Variants in EYA1 observed in about 807,000 individuals in gnomAD.
EYA1 encodes protein phosphatase EYA1.
Under a neutral mutation model 82.0 loss-of-function variants are expected in EYA1, and 16 were observed. The ratio of observed to expected loss-of-function variants is 0.20; its 90% confidence interval spans 0.13 to 0.30. The LOEUF (loss-of-function observed/expected upper bound fraction) is 0.30, where lower values mean the gene tolerates loss of function less well. EYA1 is among the 10% of genes least tolerant of loss of function. The pLI, the probability that EYA1 is intolerant of heterozygous loss-of-function variation, is 1.00. For missense variants in EYA1, 633 were observed against 730.7 expected (o/e 0.87, Z 1.54); for synonymous variants, 261 against 264.4 (o/e 0.99, Z 0.12).
At chr8:71,256,295 A>C (rs1814406422) in intron 11 of EYA1, among the ~76,000 whole-genome samples, 1 of 152,228 alleles carries the variant, frequency 6.6e-6, no homozygotes. Flanking sequence ...CATAGGTGGA[A>C]GCAACTCAAA....
At chr8:71,263,634 A>T in intron 11 of EYA1, among the ~76,000 whole-genome samples, 1 of 152,190 alleles carries the variant, frequency 6.6e-6, no homozygotes, top group East Asian at 1.9e-4. Context: ...GAGGAAAATG[A>T]ACCAGTGCAA....
intron 2 of EYA1, among the ~76,000 whole-genome samples, chr8:71,435,758 C>A (rs1256160866): frequency 6.6e-6 from 1 of 152,082 alleles, no homozygotes; most frequent in Non-Finnish European, 1.5e-5. Context: ...CCTCTATCAA[C>A]TCCCAAGAAA....
intron 2 of EYA1, among the ~76,000 whole-genome samples, chr8:71,469,201 TA>T (rs1416960835): frequency 1.3e-5 from 2 of 152,106 alleles, no homozygotes; most frequent in Non-Finnish European, 2.9e-5. Context: ...GCTCAAATCT[TA>T]GGAGGAAAGA....
intron 2 of EYA1, among the ~76,000 whole-genome samples, chr8:71,513,728 T>A (rs113965426): frequency 5.9e-5 from 9 of 152,212 alleles, no homozygotes; most frequent in African/African-American, 1.9e-4. Flanking sequence ...TCTGTACCCC[T>A]TAACCCTCCC....
chr8:71,363,553 G>C (rs1827567197), upstream of EYA1, among the ~76,000 whole-genome samples: 1 of 152,114 alleles, frequency 6.6e-6, no homozygotes, highest in African/African-American at 2.4e-5. Context: ...ATTGCTATTG[G>C]ATCTGTTCAT....
chr8:71,274,229 T>C (rs1483205440), intron 9 of EYA1, among the ~76,000 whole-genome samples: 3 of 152,152 alleles, frequency 2.0e-5, no homozygotes, highest in Non-Finnish European at 4.4e-5. Flanking sequence ...CCCACACCCG[T>C]ACCTTGCAGG....
rs561769625 is a variant in EYA1, at chr8:71,282,538, G to A, written c.827-10641C>T. Among the ~76,000 whole-genome samples the A allele has an allele frequency of 5.9e-5, 9 of 152,244 alleles. No individual in the cohort carries two copies. The South Asian group carries it at 6.2e-4, about 11-fold the overall frequency. On this transcript the variant is annotated intron_variant, in intron 9 of 17. Transcript: ENST00000340726. ...CCATATTTCTCCGCCTTTTGCCAGC[G>A]CCACACACAGTTGATCATGGCTTCC... is the stretch of plus-strand genomic sequence containing the variant.
chr8:71,353,869 G>T (rs958583189), intron 3 of EYA1, among the ~76,000 whole-genome samples: 2 of 152,024 alleles, frequency 1.3e-5, no homozygotes, highest in African/African-American at 4.8e-5. Context: ...TCTAGTGAAA[G>T]GTATGCTCTG....
At chr8:71,412,324 A>G (rs975806180) in intron 2 of EYA1, among the ~76,000 whole-genome samples, 1 of 150,214 alleles carries the variant, frequency 6.7e-6, no homozygotes, top group African/African-American at 2.5e-5. Flanking sequence ...GCACATGTAT[A>G]CATATGTAAC....
rs1819907525 is a variant in EYA1, at chr8:71,299,087, T to A, written c.786A>T (p.Pro262=). 4 of 1,614,130 alleles carry A rather than the reference T, an allele frequency of 2.5e-6. No individual in the cohort carries two copies. Among genetic ancestry groups the A allele is most frequent in the Non-Finnish European group, 3.4e-6 (4 of 1,179,984 alleles). The change falls in exon 9 of 18, where the codon CCA becomes CCT. Residue 262 remains proline (P), a synonymous_variant. Coordinates refer to ENST00000340726, the MANE Select transcript of EYA1 (RefSeq NM_000503.6). The stretch of plus-strand genomic sequence containing the variant: ...TAACTGCTTGGCTGGTGATGCCAGA[T>A]GGCGGTTCTTGAAGCTGGTAAGTGG... The part of the protein sequence containing the change: ...TNATYQLQEP[P]SGITSQAVTD...
chr8:71,249,190 TC>T (rs1220231953), intron 11 of EYA1, among the ~76,000 whole-genome samples: 1 of 152,166 alleles, frequency 6.6e-6, no homozygotes, highest in Non-Finnish European at 1.5e-5. Context: ...TTGACATTTC[TC>T]CTCTATGACA....
chr8:71,206,022 C>T (rs1807721170), intron 17 of EYA1, among the ~76,000 whole-genome samples: 1 of 152,032 alleles, frequency 6.6e-6, no homozygotes, highest in African/African-American at 2.4e-5. Flanking sequence ...AGCTAAAGCA[C>T]ATATCAGAAT....
chr8:71,272,405 C>T (rs1816654659), intron 9 of EYA1, among the ~76,000 whole-genome samples: 1 of 152,084 alleles, frequency 6.6e-6, no homozygotes, highest in Admixed American at 6.5e-5. Flanking sequence ...CCATTTTCTC[C>T]CTCATTTTAT....
intron 2 of EYA1, among the ~76,000 whole-genome samples, chr8:71,530,366 A>G (rs1814166760): frequency 6.6e-6 from 1 of 152,208 alleles, no homozygotes; most frequent in Non-Finnish European, 1.5e-5. Context: ...TCTAGCCTCT[A>G]GAACTGTGCA....
intron 12 of EYA1, among the ~76,000 whole-genome samples, chr8:71,237,899 T>C (rs1812038388): frequency 6.6e-6 from 1 of 152,176 alleles, no homozygotes; most frequent in Admixed American, 6.5e-5. Flanking sequence ...TGGGTATAAC[T>C]AACACCCAGA....
chr8:71,280,749 T>G (rs1817721900), intron 9 of EYA1, among the ~76,000 whole-genome samples: 1 of 152,140 alleles, frequency 6.6e-6, no homozygotes, highest in Non-Finnish European at 1.5e-5. Context: ...AAACTTTGTT[T>G]TGCTTTTTTT....
rs535309377 is a variant in EYA1, at chr8:71,263,959, A to G, written c.1050+5781T>C. ...ATTTGGGAGCATTCAATCAAGTTTC[A>G]TTGGAACACAGCCACATTTATTCAT... is the stretch of plus-strand genomic sequence containing the variant. On this transcript the variant is annotated intron_variant, in intron 11 of 17. Transcript: ENST00000340726. Among the ~76,000 whole-genome samples the G allele has an allele frequency of 9.8e-5, 15 of 152,354 alleles. No homozygotes were observed. In the South Asian group the frequency reaches 1.7e-3, roughly 17 times the overall value.
At chr8:71,453,880 A>G (rs566963373) in intron 2 of EYA1, among the ~76,000 whole-genome samples, 9 of 152,330 alleles carry the variant, frequency 5.9e-5, no homozygotes, top group Non-Finnish European at 1.0e-4. Context: ...CAAAATAACC[A>G]GCTAACATCA....
intron 16 of EYA1, among the ~76,000 whole-genome samples, chr8:71,214,532 CA>C (rs1329323383): frequency 1.3e-5 from 2 of 152,190 alleles, no homozygotes; most frequent in African/African-American, 4.8e-5. Context: ...CACATTCAAG[CA>C]CTTAGCAATA....
Sources: gnomAD v4.1 joint callset for allele counts (sites outside exome capture counted in the v4.1 genomes callset) on GRCh38, gnomAD v4.1.1 for gene constraint, MANE v1.5 for transcripts, NCBI Gene and HGNC (gene_info 2026-07-23, HGNC 2026-07-21) for gene names.